The following SLC66A2 variants were observed in gnomAD, a reference collection of about 807,000 sequenced individuals.
The protein encoded by SLC66A2 is solute carrier family 66 member 2.
SLC66A2 carries 23 observed loss-of-function variants against 25.5 expected under a neutral mutation model. That is an observed-to-expected ratio of 0.90 (90% CI 0.65 to 1.28). The LOEUF is 1.28. Among genes scored for constraint, SLC66A2 ranks in the 50% most tolerant of loss-of-function variants. The pLI is 0.00. For missense variants in SLC66A2, 396 were observed against 373.1 expected (o/e 1.06, Z -0.51); for synonymous variants, 193 against 166.5 (o/e 1.16, Z -1.23).
chr18:79,904,892 T>G lies in SLC66A2; in HGVS notation c.609-709A>C, dbSNP rs189854234. 2.3e-3 allele frequency among the ~76,000 whole-genome samples: 348 copies of G among 152,258 alleles called. 2 individuals carry two copies. The highest frequency in any genetic ancestry group is 0.01 in the Middle Eastern group (3 of 294). On this transcript the variant is annotated intron_variant, in intron 5 of 5. Coordinates refer to ENST00000397778, the MANE Select transcript of SLC66A2 (RefSeq NM_025078.5). The surrounding 1 kb of genome is among the most constrained non-coding windows in gnomAD (Gnocchi z 6.3). ...CAGCGGCCGCTGACCCTTCCACAGC[T>G]CCTGAAGCCAGAGGCAGAGCCTGGG...
chr18:79,944,552 CCA>C (rs1292804817), intron 2 of SLC66A2: 1 of 152,456 alleles, frequency 6.6e-6, no homozygotes, highest in Non-Finnish European at 1.5e-5. Flanking sequence ...CCCAGAGCCA[CCA>C]CAGAGCTGGG....
Position 79,927,804 on chromosome 18 carries a change from T to C in SLC66A2, c.391+6165A>G, listed in dbSNP as rs1484693316. On this transcript the variant is annotated intron_variant, in intron 4 of 5. Transcript: ENST00000397778. This position sits in a 1 kb window ranked among gnomAD's most constrained non-coding sequence, Gnocchi z 6.2. ...ACTCGGCAAGGACAAATCAAGCAAC[T>C]GCCGAGACAGGTGTCCGCGTCCCAA... Among the ~76,000 whole-genome samples the C allele has an allele frequency of 6.6e-6, 1 of 152,128 alleles. No homozygotes were observed. The highest frequency in any genetic ancestry group is 1.5e-5 in the Non-Finnish European group (1 of 68,024).
intron 2 of SLC66A2, among the ~76,000 whole-genome samples, chr18:79,948,715 C>G (rs1002126769): frequency 6.6e-6 from 1 of 152,144 alleles, no homozygotes; most frequent in Non-Finnish European, 1.5e-5. Flanking sequence ...ACTTCTTTCC[C>G]GTATGGTTAT....
chr18:79,906,498 GTGT>G (rs1208575939), intron 5 of SLC66A2, among the ~76,000 whole-genome samples: 1 of 152,176 alleles, frequency 6.6e-6, no homozygotes, highest in African/African-American at 2.4e-5. Context: ...GTTTAAAGGT[GTGT>G]TGTTTAGCTT....
chr18:79,930,019 G>A (rs569765332), intron 4 of SLC66A2, among the ~76,000 whole-genome samples: 5 of 151,728 alleles, frequency 3.3e-5, no homozygotes, highest in African/African-American at 1.2e-4. Context: ...GAGGAGAGAG[G>A]GGAGCAGAAA....
At chr18:79,916,167 A>ACTCCCGTACCCGTG in intron 5 of SLC66A2, among the ~76,000 whole-genome samples, 1 of 33,136 alleles carries the variant, frequency 3.0e-5, no homozygotes, top group African/African-American at 6.9e-5. Context: ...TCGTACCCGC[A>ACTCCCGTACCCGTG]GTGCTCCCGT....
intron 5 of SLC66A2, among the ~76,000 whole-genome samples, chr18:79,913,264 T>C (rs1304892351): frequency 6.6e-6 from 1 of 152,186 alleles, no homozygotes; most frequent in Non-Finnish European, 1.5e-5. Flanking sequence ...CCACGGTGTC[T>C]GTATTCCGCA....
At position 79,904,276 on chromosome 18, in the gene SLC66A2, C is replaced by T. The variant is rs11659886; in HGVS notation, c.609-93G>A. ...CCTGGGGCTTAGACAGCGGGGAGAC[C>T]TGGGGCTCAGGGGCACCCAGGGGGC... On this transcript the variant is annotated intron_variant, in intron 5 of 5. Coordinates refer to ENST00000397778, the MANE Select transcript of SLC66A2 (RefSeq NM_025078.5). The surrounding 1 kb of genome is among the most constrained non-coding windows in gnomAD (Gnocchi z 6.3). 10 of 1,213,964 alleles carry T rather than the reference C, an allele frequency of 8.2e-6. No homozygotes were observed. Among genetic ancestry groups the T allele is most frequent in the African/African-American group, 1.5e-5 (1 of 65,930 alleles). The allele number at this position is 1,213,964 out of a possible 1,614,324, so 75.2% of individuals were successfully genotyped here. A position where few individuals can be genotyped will look rare whatever the true frequency, so the allele number is the denominator to read the frequency against.
intron 4 of SLC66A2, 62 bp from the exon 5 acceptor site, chr18:79,919,462 A>G: frequency 7.0e-7 from 1 of 1,438,564 alleles, no homozygotes; most frequent in South Asian, 1.2e-5. Context: ...AGTCAAGGTC[A>G]GTGGGGAGAG....
At chr18:79,950,272 T>A (rs2051073418) in intron 2 of SLC66A2, among the ~76,000 whole-genome samples, 1 of 152,080 alleles carries the variant, frequency 6.6e-6, no homozygotes, top group Admixed American at 6.6e-5. Flanking sequence ...GATGGGAGGA[T>A]CACCTGAGCC....
Sources: allele counts gnomAD v4.1 joint callset (sites outside exome capture counted in the v4.1 genomes callset), GRCh38; gene constraint gnomAD v4.1.1; non-coding constraint Gnocchi (gnomAD v3.1); transcripts MANE v1.5; gene names NCBI Gene and HGNC (gene_info 2026-07-23, HGNC 2026-07-21).